The following NFIA variants were observed in gnomAD, a reference collection of about 807,000 sequenced individuals.
NFIA encodes the protein nuclear factor I A.
NFIA carries 8 observed loss-of-function variants against 62.8 expected under a neutral mutation model. The ratio of observed to expected loss-of-function variants is 0.13; its 90% CI spans 0.07 to 0.23. The LOEUF is 0.23. NFIA is among the 10% of genes least tolerant of loss of function. The pLI, the probability that NFIA is intolerant of heterozygous loss-of-function variation, is 1.00. For missense variants in NFIA, 410 were observed against 642.1 expected (o/e 0.64, Z 3.91); for synonymous variants, 235 against 238.1 (o/e 0.99, Z 0.12).
At chr1:61,100,345 A>G (rs1646486956) in intron 2 of NFIA, among the ~76,000 whole-genome samples, 2 of 152,050 alleles carry the variant, frequency 1.3e-5, no homozygotes, top group South Asian at 4.1e-4. Flanking sequence ...TGTTTTGGTT[A>G]CCTTTATTGA....
chr1:61,369,515 A>G (rs554652752), intron 6 of NFIA, among the ~76,000 whole-genome samples: 33 of 152,274 alleles, frequency 2.2e-4, no homozygotes, highest in Admixed American at 2.0e-3. Context: ...TTAAATATTT[A>G]TAGAACTTAA....
At position 61,088,015 on chromosome 1, in the gene NFIA, AT is replaced by A. The variant is rs1646249649; in HGVS notation, c.28-130del. On this transcript the variant is annotated intron_variant, in intron 1 of 10. Coordinates refer to ENST00000403491, the MANE Select transcript of NFIA (RefSeq NM_001134673.4). The surrounding 1 kb of genome is among the most constrained non-coding windows in gnomAD (Gnocchi z 4.5). ...GACTTCCCATAGGATCCTGTGTATGATTTTGGTAACAGAATGCTCTAATCAA... is the reference window on the plus strand; with the variant it reads ...GACTTCCCATAGGATCCTGTGTATGATTTGGTAACAGAATGCTCTAATCAA... 3.6e-6 allele frequency: 3 copies of A among 833,032 alleles called. No homozygotes were observed. Among genetic ancestry groups the A allele is most frequent in the South Asian group, 3.8e-5 (2 of 52,830 alleles). 51.6% of individuals were successfully genotyped at this position (833,032 alleles called of 1,614,324 possible).
intron 6 of NFIA, among the ~76,000 whole-genome samples, chr1:61,363,090 A>G (rs955305151): frequency 6.6e-6 from 1 of 152,184 alleles, no homozygotes; most frequent in Non-Finnish European, 1.5e-5. Flanking sequence ...TATGCAAAAT[A>G]TAATGATCCT....
Position 61,332,664 on chromosome 1 carries a change from C to A in NFIA, c.700+78C>A. Reference sequence around the variant, plus strand: ...CTTTCTGCCTAGGACTCCTAGAGACCAAAAAAAGCTTTCAGAATCTCCTTT... The same window carrying A: ...CTTTCTGCCTAGGACTCCTAGAGACAAAAAAAAGCTTTCAGAATCTCCTTT... On this transcript the variant is annotated intron_variant, in intron 4 of 10. Transcript: ENST00000403491. The A allele has an allele frequency of 6.0e-6, 7 of 1,174,176 alleles. No homozygotes were observed. In the Admixed American group the frequency reaches 6.7e-5, roughly 11 times the overall value. 72.7% of individuals were successfully genotyped at this position (1,174,176 alleles called of 1,614,324 possible).
intron 2 of NFIA, among the ~76,000 whole-genome samples, chr1:61,152,396 C>T (rs1648483720): frequency 6.6e-6 from 1 of 152,166 alleles, no homozygotes; most frequent in South Asian, 2.1e-4. Context: ...TTTGCACTTC[C>T]TTTCCTTGTG....
At chr1:61,316,144 C>T (rs1660356000) in intron 3 of NFIA, among the ~76,000 whole-genome samples, 1 of 152,142 alleles carries the variant, frequency 6.6e-6, no homozygotes, top group Admixed American at 6.5e-5. Flanking sequence ...CTCCTCCCAA[C>T]CCCCCTCAAC....
intron 3 of NFIA, among the ~76,000 whole-genome samples, chr1:61,294,693 T>A (rs1373435285): frequency 1.3e-5 from 2 of 152,234 alleles, no homozygotes; most frequent in Non-Finnish European, 2.9e-5. Flanking sequence ...TTTAGCACAG[T>A]GCCTATCCCA....
intron 2 of NFIA, among the ~76,000 whole-genome samples, chr1:61,125,817 CT>C (rs1412837205): frequency 6.6e-6 from 1 of 152,158 alleles, no homozygotes; most frequent in Non-Finnish European, 1.5e-5. Context: ...CCTAGTTTTG[CT>C]AACCAGACCC....
intron 3 of NFIA, among the ~76,000 whole-genome samples, chr1:61,302,768 G>T (rs1051571419): frequency 6.6e-6 from 1 of 152,120 alleles, no homozygotes; most frequent in Non-Finnish European, 1.5e-5. Context: ...ACAAACCTAA[G>T]TTTTCAATGT....
At chr1:61,358,356 A>ATT (rs1663075941) in intron 5 of NFIA, among the ~76,000 whole-genome samples, 1 of 96,546 alleles carries the variant, frequency 1.0e-5, no homozygotes, top group Non-Finnish European at 2.2e-5. Flanking sequence ...CAAACTTTTC[A>ATT]TTTTCTTTTC....
chr1:61,271,325 A>G (rs1657491495), intron 2 of NFIA, among the ~76,000 whole-genome samples: 1 of 152,262 alleles, frequency 6.6e-6, no homozygotes, highest in Admixed American at 6.5e-5. Context: ...AAACAGTCTT[A>G]TCATCGTACA....
At chr1:61,078,336 A>G (rs1646057109), upstream of NFIA, among the ~76,000 whole-genome samples, 3 of 152,036 alleles carry the variant, frequency 2.0e-5, no homozygotes, top group East Asian at 5.8e-4. Flanking sequence ...GGAAAAAGAA[A>G]CATTCTGCTA....
At chr1:61,295,663 C>A (rs1248401804) in intron 3 of NFIA, among the ~76,000 whole-genome samples, 1 of 152,176 alleles carries the variant, frequency 6.6e-6, no homozygotes, top group Non-Finnish European at 1.5e-5. Flanking sequence ...AGGAAGGTAC[C>A]TGACCTCCCG....
rs1328555737 is a variant in NFIA at position 61,462,786 on chromosome 1, C to T, written c.*7466C>T. The T allele has an allele frequency of 1.3e-5, 2 of 152,220 alleles. No homozygotes were observed. The highest frequency in any genetic ancestry group is 2.4e-5 in the African/African-American group (1 of 41,444). The allele number at this position is 152,220 out of a possible 1,614,324, so 9.4% of individuals were successfully genotyped here. On this transcript the variant is annotated 3_prime_UTR_variant, in exon 11 of 11. Transcript: ENST00000403491. ...AAGGAAAAATAAAAAATTGCTAATG[C>T]TATGGAAGCTGTGTCATCATTTGCT...
chr1:61,443,897 C>T (rs766580839), intron 10 of NFIA, among the ~76,000 whole-genome samples: 25 of 152,162 alleles, frequency 1.6e-4, no homozygotes, highest in Non-Finnish European at 2.5e-4. Flanking sequence ...CAGATTGGTT[C>T]CCTGTGGGCA....
At chr1:61,204,797 T>G (rs1652786024) in intron 2 of NFIA, among the ~76,000 whole-genome samples, 1 of 152,176 alleles carries the variant, frequency 6.6e-6, no homozygotes, top group Non-Finnish European at 1.5e-5. Flanking sequence ...ACACCTGTAG[T>G]CTATGATTAG....
chr1:61,317,547 C>A (rs1660430336), intron 3 of NFIA, among the ~76,000 whole-genome samples: 1 of 151,934 alleles, frequency 6.6e-6, no homozygotes, highest in African/African-American at 2.4e-5. Flanking sequence ...TGTTATTTCT[C>A]ACTTTTTGTA....
At position 61,332,397 on chromosome 1, in the gene NFIA, G is replaced by C. The variant is rs536360195; in HGVS notation, c.626-115G>C. ...TCCCACATAAACCCCAAGGAGAGCA[G>C]AGAATGAGATTAGGCACCACATGTG... On this transcript the variant is annotated intron_variant, in intron 3 of 10. Coordinates refer to ENST00000403491, the MANE Select transcript of NFIA (RefSeq NM_001134673.4). 11 of 938,794 alleles carry C rather than the reference G, an allele frequency of 1.2e-5. No individual in the cohort carries two copies. In the Admixed American group the frequency reaches 2.2e-4, roughly 19 times the overall value. 58.2% of individuals were successfully genotyped at this position (938,794 alleles called of 1,614,324 possible).
intron 7 of NFIA, among the ~76,000 whole-genome samples, chr1:61,397,048 G>A (rs113627804): frequency 3.0e-4 from 46 of 152,028 alleles, no homozygotes; most frequent in Admixed American, 9.8e-4. Context: ...AGGGGCCTAC[G>A]TGGTGAAGAG....
Sources: allele counts gnomAD v4.1 joint callset (sites outside exome capture counted in the v4.1 genomes callset), GRCh38; gene constraint gnomAD v4.1.1; non-coding constraint Gnocchi (gnomAD v3.1); transcripts MANE v1.5; gene names NCBI Gene and HGNC (gene_info 2026-07-23, HGNC 2026-07-21).